Variants in ADGRE3 observed in about 807,000 individuals in gnomAD.
The protein encoded by ADGRE3 is adhesion G protein-coupled receptor E3.
Under a neutral mutation model 80.1 loss-of-function variants are expected in ADGRE3, and 88 were observed. The observed-to-expected ratio is 1.10, with a 90% CI of 0.93 to 1.31. The LOEUF (loss-of-function observed/expected upper bound fraction) is 1.31, where lower values mean the gene tolerates loss of function less well. ADGRE3 is among the 40% of genes most tolerant of loss of function. The pLI is 0.00. For synonymous variants in ADGRE3, 281 were observed against 294.8 expected (o/e 0.95, Z 0.48); for missense variants, 715 against 776.5 (o/e 0.92, Z 0.94).
chr19:14,662,544 C>A (rs1262078962), intron 3 of ADGRE3, among the ~76,000 whole-genome samples: 1 of 152,118 alleles, frequency 6.6e-6, no homozygotes, highest in African/African-American at 2.4e-5. Context: ...CACCACCACG[C>A]CCGGCTGATT....
At chr19:14,627,559 A>G (rs1036391834) in intron 14 of ADGRE3, among the ~76,000 whole-genome samples, 25 of 152,006 alleles carry the variant, frequency 1.6e-4, no homozygotes, top group Admixed American at 3.9e-4. Flanking sequence ...TGTATTGTTT[A>G]GTAGAGACGG....
chr19:14,663,459 G>A lies in ADGRE3; in HGVS notation c.158C>T (p.Ser53Phe). ...GGGGAATGTGAATAGTTTCTGCCCAGATCCAGAAGTATATCCATGGTTGCA... is the reference window on the plus strand; with the variant it reads ...GGGGAATGTGAATAGTTTCTGCCCAAATCCAGAAGTATATCCATGGTTGCA... ...CTCNHGYTSG[S>F]GQKLFTFPLE... The change falls in exon 3 of 16, where the codon TCT (serine) becomes TTT (phenylalanine). Residue 53 changes from serine to phenylalanine, a missense_variant. Physicochemically the swap from Ser to Phe is radical, Grantham distance 155 (BLOSUM62 -2). Transcript: ENST00000253673. 1 of 1,612,978 alleles carries A rather than the reference G, an allele frequency of 6.2e-7. No individual in the cohort carries two copies. Among genetic ancestry groups the A allele is most frequent in the Non-Finnish European group, 8.5e-7 (1 of 1,179,248 alleles).
At chr19:14,625,127 A>C (rs942781894) in intron 15 of ADGRE3, among the ~76,000 whole-genome samples, 3 of 152,184 alleles carry the variant, frequency 2.0e-5, no homozygotes, top group Admixed American at 6.5e-5. Context: ...CTACAGGTGC[A>C]TACCACCACA....
At chr19:14,640,566 C>G (rs984397430) in intron 10 of ADGRE3, among the ~76,000 whole-genome samples, 6 of 152,036 alleles carry the variant, frequency 3.9e-5, no homozygotes, top group African/African-American at 1.4e-4. Flanking sequence ...GCTGGGATTA[C>G]AGGTGTGAGC....
At chr19:14,636,089 T>TC (rs1488556551) in intron 11 of ADGRE3, among the ~76,000 whole-genome samples, 1 of 23,384 alleles carries the variant, frequency 4.3e-5, no homozygotes, top group Non-Finnish European at 9.8e-5. Flanking sequence ...TCCCTTTCTT[T>TC]CTTTCTTTCT....
At chr19:14,620,548 T>TATAATATATATATATATATATA in intron 15 of ADGRE3, among the ~76,000 whole-genome samples, 3 of 24,976 alleles carry the variant, frequency 1.2e-4, no homozygotes, top group African/African-American at 2.1e-4. Context: ...TATATATATA[T>TATAATATATATATATATATATA]TATATATATA....
At chr19:14,608,432 G>A in the ADGRE3 span, among the ~76,000 whole-genome samples, 2 of 152,068 alleles carry the variant, frequency 1.3e-5, no homozygotes, top group Non-Finnish European at 2.9e-5. Flanking sequence ...CAAGCTGATA[G>A]GGTGTCTAGC....
chr19:14,613,285 A>G, the ADGRE3 span, among the ~76,000 whole-genome samples: 1 of 151,852 alleles, frequency 6.6e-6, no homozygotes, highest in Middle Eastern at 3.4e-3. Flanking sequence ...GCAGTGTTGT[A>G]ATCATAGCTC....
At chr19:14,603,097 C>G in the ADGRE3 span, among the ~76,000 whole-genome samples, 2 of 152,168 alleles carry the variant, frequency 1.3e-5, no homozygotes, top group South Asian at 4.1e-4. Flanking sequence ...AAATCATATT[C>G]CCTAACTCAG....
Position 14,655,177 on chromosome 19 carries a change from T to C in ADGRE3, c.394-12A>G, listed in dbSNP as rs113176181. 1.7e-4 allele frequency: 269 copies of C among 1,594,044 alleles called. No homozygotes were observed. Among genetic ancestry groups the C allele is most frequent in the Non-Finnish European group, 1.7e-4 (205 of 1,173,118 alleles). ...ACAATCTTTTGCAGCTTTGAAGACA[T>C]AAAGAATTTTCATTTTTTAAAAATG... On this transcript the variant is annotated splice_polypyrimidine_tract_variant and intron_variant, in intron 5 of 15. Coordinates refer to ENST00000253673, the MANE Select transcript of ADGRE3 (RefSeq NM_032571.5).
At chr19:14,638,403 T>G in intron 10 of ADGRE3, 63 bp from the exon 11 acceptor site, 1 of 1,256,744 alleles carries the variant, frequency 8.0e-7, no homozygotes, top group Non-Finnish European at 1.1e-6. Context: ...CTAGGACCTC[T>G]CCTTGACATT....
At chr19:14,671,831 G>A (rs113141770) in intron 1 of ADGRE3, among the ~76,000 whole-genome samples, 2 of 151,618 alleles carry the variant, frequency 1.3e-5, no homozygotes, top group South Asian at 2.1e-4. Context: ...CTGTTGCCCC[G>A]GTTGGAGTGC....
chr19:14,640,587 G>A (rs577671411), intron 10 of ADGRE3, among the ~76,000 whole-genome samples: 2 of 151,836 alleles, frequency 1.3e-5, no homozygotes, highest in Admixed American at 6.6e-5. Flanking sequence ...CACTGTGCCC[G>A]GCCACCGAGA....
At position 14,630,169 on chromosome 19, in the gene ADGRE3, A is replaced by G; in HGVS notation, c.1682T>C (p.Leu561Pro). Residue 561 changes from leucine (L) to proline (P), a missense_variant, in exon 14 of 16, where the codon CTG becomes CCG. Leu to Pro is a moderately conservative substitution (Grantham distance 98). Coordinates refer to ENST00000253673, the MANE Select transcript of ADGRE3 (RefSeq NM_032571.5). ...AFKATAQLFILGCTWCLGLLQ... is the reference protein window; with the variant it reads ...AFKATAQLFIPGCTWCLGLLQ... ...CAAGCCCAGACACCATGTGCAGCCCAGGATGAAGAGCTGAGCTGTTGCTTT... is the reference window on the plus strand; with the variant it reads ...CAAGCCCAGACACCATGTGCAGCCCGGGATGAAGAGCTGAGCTGTTGCTTT... 6.2e-7 allele frequency: 1 copy of G among 1,611,874 alleles called. No individual in the cohort carries two copies. The highest frequency in any genetic ancestry group is 8.5e-7 in the Non-Finnish European group (1 of 1,178,668).
chr19:14,619,977 T>G (rs1970491520), intron 15 of ADGRE3, among the ~76,000 whole-genome samples: 2 of 152,200 alleles, frequency 1.3e-5, no homozygotes, highest in African/African-American at 4.8e-5. Context: ...GGCAAGAAGT[T>G]CAAAGTTACA....
the ADGRE3 span, chr19:14,610,014 T>C: frequency 7.2e-7 from 1 of 1,397,152 alleles, no homozygotes; most frequent in Non-Finnish European, 1.0e-6. Context: ...CAGAAGAGTT[T>C]CACCACCCTA....
the ADGRE3 span, among the ~76,000 whole-genome samples, chr19:14,612,537 G>A: frequency 2.6e-5 from 4 of 152,076 alleles, no homozygotes; most frequent in Non-Finnish European, 4.4e-5. Context: ...GTTTCACCAT[G>A]TTGCCCAGAC....
At chr19:14,635,526 C>T (rs1003487743) in intron 11 of ADGRE3, among the ~76,000 whole-genome samples, 1 of 151,772 alleles carries the variant, frequency 6.6e-6, no homozygotes, top group African/African-American at 2.4e-5. Flanking sequence ...ATTCTCCTGC[C>T]TCAGCCTCCC....
At chr19:14,668,411 A>G (rs1972161694) in intron 2 of ADGRE3, among the ~76,000 whole-genome samples, 1 of 152,004 alleles carries the variant, frequency 6.6e-6, no homozygotes, top group Non-Finnish European at 1.5e-5. Flanking sequence ...AGAGAGTCCC[A>G]GGGGAATAAC....
Sources: allele counts gnomAD v4.1 joint callset (sites outside exome capture counted in the v4.1 genomes callset), GRCh38; gene constraint gnomAD v4.1.1; transcripts MANE v1.5; gene names NCBI Gene and HGNC (gene_info 2026-07-23, HGNC 2026-07-21).